Variants in SLC16A10 observed in about 807,000 individuals in gnomAD.
SLC16A10 encodes the protein monocarboxylate transporter 10.
In SLC16A10, 27 loss-of-function variants were observed where a neutral mutation model predicts 40.0. That is an observed-to-expected ratio of 0.67 (90% CI 0.50 to 0.93). SLC16A10 has a LOEUF of 0.93. SLC16A10 is among the 40% of genes least tolerant of loss of function. The pLI is 0.00. For missense variants in SLC16A10, 529 were observed against 658.2 expected, an observed-to-expected ratio of 0.80 and a Z score of 2.15; for synonymous variants, 213 against 249.8, an observed-to-expected ratio of 0.85 and a Z score of 1.39.
chr6:111,181,381 T>C (rs1772789011), intron 3 of SLC16A10, among the ~76,000 whole-genome samples: 1 of 152,168 alleles, frequency 6.6e-6, no homozygotes, highest in Admixed American at 6.5e-5. Flanking sequence ...ATAAAATGTA[T>C]GTGAAACATC....
chr6:111,203,000 CATA>C (rs768813239), intron 3 of SLC16A10, among the ~76,000 whole-genome samples: 9 of 151,276 alleles, frequency 5.9e-5, no homozygotes, highest in Admixed American at 1.3e-4. Context: ...TGCTCTACAG[CATA>C]ATATTATCCC....
intron 4 of SLC16A10, among the ~76,000 whole-genome samples, chr6:111,211,833 G>A (rs1433990644): frequency 6.6e-6 from 1 of 152,170 alleles, no homozygotes; most frequent in African/African-American, 2.4e-5. Context: ...CTCCAGCTCT[G>A]CCTGTTTGTT....
intron 1 of SLC16A10, among the ~76,000 whole-genome samples, chr6:111,146,073 G>A (rs1323340505): frequency 6.6e-6 from 1 of 151,984 alleles, no homozygotes; most frequent in African/African-American, 2.4e-5. Flanking sequence ...TACAAGACTG[G>A]TGTCCAGAAT....
chr6:111,230,245 A>T lies in SLC16A10; in HGVS notation c.*8010A>T, dbSNP rs1771089355. 1 of 152,010 alleles carries T rather than the reference A, an allele frequency of 6.6e-6. No homozygotes were observed. The allele number at this position is 152,010 out of a possible 1,614,324, so 9.4% of individuals were successfully genotyped here. On this transcript the variant is annotated 3_prime_UTR_variant, in exon 6 of 6. Transcript: ENST00000368851. ...TGCCTCAGCCTCCCCAAGTGCTGGAATTACAGGCATGAGCCACCATGCCCG... is the reference window on the plus strand; with the variant it reads ...TGCCTCAGCCTCCCCAAGTGCTGGATTTACAGGCATGAGCCACCATGCCCG...
chr6:111,181,768 G>A (rs1772796495), intron 3 of SLC16A10, among the ~76,000 whole-genome samples: 1 of 152,190 alleles, frequency 6.6e-6, no homozygotes, highest in Non-Finnish European at 1.5e-5. Flanking sequence ...TCAAAAAGAA[G>A]AATTAGATTG....
intron 1 of SLC16A10, among the ~76,000 whole-genome samples, chr6:111,094,289 C>G (rs989817116): frequency 1.7e-5 from 2 of 117,734 alleles, no homozygotes; most frequent in Non-Finnish European, 3.3e-5. Flanking sequence ...TCACTGTGTT[C>G]AAGACTTATT....
intron 1 of SLC16A10, among the ~76,000 whole-genome samples, chr6:111,154,437 T>C (rs376884556): frequency 9.2e-5 from 14 of 152,168 alleles, no homozygotes; most frequent in South Asian, 8.3e-4. Flanking sequence ...CCTATATAGT[T>C]GTTACAGTCC....
chr6:111,172,175 A>G (rs775131833), intron 1 of SLC16A10, among the ~76,000 whole-genome samples: 1 of 152,228 alleles, frequency 6.6e-6, no homozygotes, highest in Non-Finnish European at 1.5e-5. Context: ...TAACCTGACC[A>G]AGAATACGTT....
At chr6:111,112,375 G>T (rs1469646769) in intron 1 of SLC16A10, among the ~76,000 whole-genome samples, 1 of 152,122 alleles carries the variant, frequency 6.6e-6, no homozygotes, top group Non-Finnish European at 1.5e-5. Flanking sequence ...TTTGGCAAGT[G>T]CTGTGCAAGG....
chr6:111,087,786 C>G lies in SLC16A10; in HGVS notation c.34C>G (p.Arg12Gly), dbSNP rs949862953. The G allele has an allele frequency of 7.7e-6, 9 of 1,165,136 alleles. No individual in the cohort carries two copies. Among genetic ancestry groups the G allele is most frequent in the Non-Finnish European group, 9.6e-6 (9 of 940,942 alleles). The allele number at this position is 1,165,136 out of a possible 1,614,324, so 72.2% of individuals were successfully genotyped here. ...CTCCCAGGAGGAGCCGGACTCCGCG[C>G]GGGGCACGAGCGAGGCGCAGCCGCT... ...VLSQEEPDSA[R>G]GTSEAQPLGP... The change falls in exon 1 of 6, where the codon CGG (arginine) becomes GGG (glycine). Residue 12 changes from arginine (R) to glycine (G), a missense_variant. Transcript: ENST00000368851.
chr6:111,113,037 T>C (rs1467025232), intron 1 of SLC16A10, among the ~76,000 whole-genome samples: 1 of 152,202 alleles, frequency 6.6e-6, no homozygotes, highest in African/African-American at 2.4e-5. Flanking sequence ...GGGGTCATTT[T>C]GTTCCATTAC....
At chr6:111,184,748 T>C (rs968663969) in intron 3 of SLC16A10, among the ~76,000 whole-genome samples, 1 of 152,200 alleles carries the variant, frequency 6.6e-6, no homozygotes, top group African/African-American at 2.4e-5. Context: ...CCCAAAGTGC[T>C]GGGTTATAGG....
intron 1 of SLC16A10, among the ~76,000 whole-genome samples, chr6:111,163,416 T>C (rs1471838284): frequency 1.3e-5 from 2 of 152,044 alleles, no homozygotes; most frequent in Admixed American, 6.6e-5. Context: ...CCTCCCAAAG[T>C]GCTGGGATTA....
intron 2 of SLC16A10, among the ~76,000 whole-genome samples, chr6:111,175,677 A>T (rs1279454104): frequency 6.6e-6 from 1 of 151,410 alleles, no homozygotes; most frequent in Non-Finnish European, 1.5e-5. Context: ...CTTTAAGCAG[A>T]CTATGAATAT....
At chr6:111,105,532 C>T (rs1364859099) in intron 1 of SLC16A10, among the ~76,000 whole-genome samples, 4 of 152,166 alleles carry the variant, frequency 2.6e-5, no homozygotes. Context: ...GAGGTGTCAT[C>T]TTTATGGCAC....
At chr6:111,114,206 T>C (rs1295846798) in intron 1 of SLC16A10, among the ~76,000 whole-genome samples, 2 of 152,232 alleles carry the variant, frequency 1.3e-5, no homozygotes, top group African/African-American at 4.8e-5. Context: ...CTTACTTAAA[T>C]GTCTTCTAAT....
Position 111,231,185 on chromosome 6 carries a change from A to G in SLC16A10, c.*8950A>G, listed in dbSNP as rs1404633290. On this transcript the variant is annotated 3_prime_UTR_variant, in exon 6 of 6. Coordinates refer to ENST00000368851, the MANE Select transcript of SLC16A10 (RefSeq NM_018593.5). ...TTAGTAAATGCAATAAAAACTTTTT[A>G]GCAAATTCCTATAAGGCTTTGTGGT... The G allele has an allele frequency of 6.6e-6, 1 of 151,234 alleles. No individual in the cohort carries two copies. The highest frequency in any genetic ancestry group is 2.4e-5 in the African/African-American group (1 of 41,054). 9.4% of individuals were successfully genotyped at this position (151,234 alleles called of 1,614,324 possible).
At chr6:111,093,939 T>G (rs1053095290) in intron 1 of SLC16A10, among the ~76,000 whole-genome samples, 1 of 152,196 alleles carries the variant, frequency 6.6e-6, no homozygotes, top group Non-Finnish European at 1.5e-5. Flanking sequence ...ATTTCCAGAA[T>G]GTTTCTGGAT....
At chr6:111,091,157 C>A (rs1195288238) in intron 1 of SLC16A10, 1 of 152,158 alleles carries the variant, frequency 6.6e-6, no homozygotes, top group Admixed American at 6.5e-5. Context: ...CAGAATTCAA[C>A]CCCAGGCTTA....
Sources: allele counts gnomAD v4.1 joint callset (sites outside exome capture counted in the v4.1 genomes callset), GRCh38; gene constraint gnomAD v4.1.1; transcripts MANE v1.5; gene names NCBI Gene and HGNC (gene_info 2026-07-23, HGNC 2026-07-21).